Variants in MPP7 observed in about 807,000 individuals in gnomAD.
The protein encoded by MPP7 is MAGUK p55 subfamily member 7.
A neutral mutation model predicts 76.5 loss-of-function variants in MPP7; 60 were observed. The ratio of observed to expected loss-of-function variants is 0.78; its 90% confidence interval spans 0.64 to 0.97. The LOEUF (loss-of-function observed/expected upper bound fraction) is 0.97, where lower values mean the gene tolerates loss of function less well. MPP7 is among the 50% of genes least tolerant of loss of function. MPP7 has a pLI of 0.00. For missense variants in MPP7, 641 were observed against 694.0 expected (o/e 0.92, Z 0.86); for synonymous variants, 237 against 244.5 (o/e 0.97, Z 0.29).
At chr10:28,107,600 G>A (rs1019190621) in intron 11 of MPP7, among the ~76,000 whole-genome samples, 20 of 152,108 alleles carry the variant, frequency 1.3e-4, no homozygotes, top group African/African-American at 4.3e-4. Flanking sequence ...GCAAGCAGAG[G>A]CTTCCTGAGC....
At chr10:28,148,727 T>C (rs1214790119) in intron 4 of MPP7, among the ~76,000 whole-genome samples, 2 of 152,220 alleles carry the variant, frequency 1.3e-5, no homozygotes, top group Non-Finnish European at 2.9e-5. Context: ...TTAAATATAC[T>C]GCTCTGACAA....
intron 2 of MPP7, among the ~76,000 whole-genome samples, chr10:28,313,952 C>T (rs1171943872): frequency 2.0e-5 from 3 of 149,374 alleles, no homozygotes; most frequent in Admixed American, 6.8e-5. Flanking sequence ...GTAGTCCTCC[C>T]GCCTTGGCCT....
chr10:28,333,354 A>T (rs1834487538), intron 1 of MPP7, among the ~76,000 whole-genome samples: 1 of 152,162 alleles, frequency 6.6e-6, no homozygotes, highest in Non-Finnish European at 1.5e-5. Flanking sequence ...CCATTTGGCC[A>T]GGCTGGTCTC....
At chr10:28,130,843 C>T (rs573596466) in intron 6 of MPP7, among the ~76,000 whole-genome samples, 1 of 152,190 alleles carries the variant, frequency 6.6e-6, no homozygotes, top group South Asian at 2.1e-4. Flanking sequence ...AGATAATACA[C>T]TAATTATATA....
chr10:28,199,061 T>G (rs534254312), intron 3 of MPP7, among the ~76,000 whole-genome samples: 21 of 152,194 alleles, frequency 1.4e-4, no homozygotes, highest in African/African-American at 4.8e-4. Context: ...AAGGCACATC[T>G]TACATCGTGG....
At position 28,120,623 on chromosome 10, in the gene MPP7, T is replaced by C. The variant is rs759810295; in HGVS notation, c.661A>G (p.Lys221Glu). The change falls in exon 9 of 17, where the codon AAA becomes GAA. Residue 221 changes from lysine (K) to glutamate (E), a missense_variant. Lys to Glu is a moderately conservative substitution (Grantham distance 56, BLOSUM62 1). Transcript: ENST00000683449. ...AITFKIIPGS[K>E]EETPSKEGKM... ...CCTTCTTTTGATGGTGTCTCCTCTT[T>C]GCTGCCGGGTATAATCTTAAATGTA... 6.2e-7 allele frequency: 1 copy of C among 1,613,892 alleles called. No individual in the cohort carries two copies. Among genetic ancestry groups the C allele is most frequent in the Non-Finnish European group, 8.5e-7 (1 of 1,179,882 alleles).
chr10:28,078,144 A>T (rs1207498120), intron 12 of MPP7, among the ~76,000 whole-genome samples: 1 of 152,212 alleles, frequency 6.6e-6, no homozygotes, highest in Non-Finnish European at 1.5e-5. Context: ...TATGCCAATA[A>T]AACATGAACT....
chr10:28,250,710 C>G (rs1168500030), intron 1 of MPP7, among the ~76,000 whole-genome samples: 6 of 152,346 alleles, frequency 3.9e-5, no homozygotes, highest in African/African-American at 1.4e-4. Flanking sequence ...CACCCTCTCT[C>G]AAGTTTTCTA....
At chr10:28,261,428 T>A (rs187104290) in intron 1 of MPP7, among the ~76,000 whole-genome samples, 4 of 152,320 alleles carry the variant, frequency 2.6e-5, no homozygotes, top group Admixed American at 2.6e-4. Context: ...ATAGTTCCAC[T>A]AAGATTTAAG....
In MPP7 at chr10:28,076,845, G is replaced by T. The variant is rs946108378; in HGVS notation, c.1124-6993C>A. Among the ~76,000 whole-genome samples, 9 of 151,360 alleles carry T rather than the reference G, an allele frequency of 5.9e-5. No individual in the cohort carries two copies. In the East Asian group the frequency reaches 1.8e-3, roughly 30 times the overall value. ...AGAGGTTACACTGAGCTGAGATGGC[G>T]CCATTGCGATCTAGCCTGGGTGACA... On this transcript the variant is annotated intron_variant, in intron 12 of 16. Coordinates refer to ENST00000683449, the MANE Select transcript of MPP7 (RefSeq NM_001318170.2).
At position 28,230,740 on chromosome 10, in the gene MPP7, C is replaced by T. The variant is rs142695235; in HGVS notation, c.37+7828G>A. On this transcript the variant is annotated intron_variant, in intron 2 of 16. Transcript: ENST00000683449. ...CTGAGGCAGGAGAATTGCTTGAACCCGGGAGGCGGAGGTTGCAGTGAGCCA... is the reference window on the plus strand; with the variant it reads ...CTGAGGCAGGAGAATTGCTTGAACCTGGGAGGCGGAGGTTGCAGTGAGCCA... Among the ~76,000 whole-genome samples the T allele has an allele frequency of 4.4e-3, 669 of 152,194 alleles. 8 individuals carry two copies. Among genetic ancestry groups the T allele is most frequent in the African/African-American group, 0.015 (627 of 41,530 alleles).
intron 11 of MPP7, among the ~76,000 whole-genome samples, chr10:28,104,413 G>A (rs561757066): frequency 6.6e-6 from 1 of 152,222 alleles, no homozygotes; most frequent in Non-Finnish European, 1.5e-5. Context: ...AAATACATAT[G>A]TTTACCATAG....
At chr10:28,130,267 A>C (rs1415306600) in intron 6 of MPP7, among the ~76,000 whole-genome samples, 3 of 152,154 alleles carry the variant, frequency 2.0e-5, no homozygotes, top group African/African-American at 7.2e-5. Flanking sequence ...ATGTTCAAAA[A>C]CACTTGCAAA....
At chr10:28,141,485 G>C (rs1051879458) in intron 5 of MPP7, among the ~76,000 whole-genome samples, 7 of 152,020 alleles carry the variant, frequency 4.6e-5, no homozygotes, top group Admixed American at 1.3e-4. Flanking sequence ...CGGTAAGGTG[G>C]TATAAAATAA....
chr10:28,287,767 G>C (rs561159976), intron 1 of MPP7, among the ~76,000 whole-genome samples: 2 of 152,156 alleles, frequency 1.3e-5, no homozygotes, highest in Non-Finnish European at 2.9e-5. Flanking sequence ...ATTATAAAAT[G>C]TGCTAACATT....
intron 3 of MPP7, among the ~76,000 whole-genome samples, chr10:28,196,751 G>A (rs1437521415): frequency 1.3e-5 from 2 of 152,116 alleles, no homozygotes; most frequent in Non-Finnish European, 2.9e-5. Context: ...AGGCAGATGA[G>A]AGCACACTGA....
rs1851350908 is a variant in MPP7, at chr10:28,051,309, T to A, written c.*2756A>T. The stretch of plus-strand genomic sequence containing the variant: ...GTTTTGTAAGTCTGAGAAGGTTATG[T>A]TTGTCAGTTTCAAATTATTACAGTT... On this transcript the variant is annotated 3_prime_UTR_variant, in exon 17 of 17. Transcript: ENST00000683449. 6.6e-6 allele frequency: 1 copy of A among 152,188 alleles called. No homozygotes were observed. Among genetic ancestry groups the A allele is most frequent in the Admixed American group, 6.5e-5 (1 of 15,280 alleles). 9.4% of individuals were successfully genotyped at this position (152,188 alleles called of 1,614,324 possible).
intron 1 of MPP7, among the ~76,000 whole-genome samples, chr10:28,278,095 A>G (rs1470388658): frequency 6.6e-6 from 1 of 152,128 alleles, no homozygotes; most frequent in Non-Finnish European, 1.5e-5. Flanking sequence ...TTCTTAAACC[A>G]AAGAGAATAT....
chr10:28,144,397 A>C (rs761658666), intron 5 of MPP7, among the ~76,000 whole-genome samples: 1 of 152,142 alleles, frequency 6.6e-6, no homozygotes. Flanking sequence ...AAGTGGGAGA[A>C]AGGCTATTAC....
Sources: allele counts gnomAD v4.1 joint callset (sites outside exome capture counted in the v4.1 genomes callset), GRCh38; gene constraint gnomAD v4.1.1; transcripts MANE v1.5; gene names NCBI Gene and HGNC (gene_info 2026-07-23, HGNC 2026-07-21).